TENM4: variants seen among roughly 807,000 people sequenced by gnomAD.
The protein encoded by TENM4 is teneurin transmembrane protein 4.
A neutral mutation model predicts 243.3 loss-of-function variants in TENM4; 82 were observed. The observed-to-expected ratio is 0.34, with a 90% CI of 0.28 to 0.40. The LOEUF (loss-of-function observed/expected upper bound fraction) is 0.40. Among genes scored for constraint, TENM4 ranks in the 10% least tolerant of loss-of-function variants. TENM4 has a pLI of 1.00. For missense variants in TENM4, 3,138 were observed against 3,673.3 expected (o/e 0.85, Z 3.77); for synonymous variants, 1,412 against 1,456.3 (o/e 0.97, Z 0.69).
chr11:79,327,463 A>C (rs1295516375), intron 1 of TENM4, among the ~76,000 whole-genome samples: 3 of 152,178 alleles, frequency 2.0e-5, no homozygotes, highest in Non-Finnish European at 2.9e-5. Context: ...TCTCTCTAAA[A>C]GACATCCATA....
Position 78,701,745 on chromosome 11 carries a change from T to A in TENM4, c.4868A>T (p.Asp1623Val). ...TGDGDITLIT[D>V]NNGNMVNVRR... ...GACATTTACCATGTTGCCATTGTTG[T>A]CTGTGATGAGTGTGATGTCGCCGTC... is the stretch of plus-strand genomic sequence containing the variant. Residue 1623 changes from aspartate to valine, a missense_variant, in exon 28 of 34, where the codon GAC becomes GTC. Asp to Val is a radical substitution (Grantham distance 152, BLOSUM62 -3). This residue lies in a region of TENM4 where 2,467 missense variants were observed against 3,059.1 expected (regional missense o/e 0.81). Coordinates refer to ENST00000278550, the MANE Select transcript of TENM4 (RefSeq NM_001098816.3). 6.2e-7 allele frequency: 1 copy of A among 1,614,022 alleles called. No homozygotes were observed. The highest frequency in any genetic ancestry group is 8.5e-7 in the Non-Finnish European group (1 of 1,179,890).
At chr11:79,291,094 G>A (rs977331264) in intron 2 of TENM4, among the ~76,000 whole-genome samples, 9 of 152,162 alleles carry the variant, frequency 5.9e-5, no homozygotes, top group African/African-American at 9.7e-5. Context: ...GGCTCTGGGT[G>A]GAGTGGTGAT....
chr11:79,238,854 G>A (rs996494777), intron 2 of TENM4, among the ~76,000 whole-genome samples: 2 of 150,830 alleles, frequency 1.3e-5, no homozygotes, highest in African/African-American at 2.4e-5. Context: ...GTGAAACCCC[G>A]TTTCTCCTAA....
intron 30 of TENM4, among the ~76,000 whole-genome samples, chr11:78,674,063 G>A (rs1192095497): frequency 2.0e-5 from 3 of 152,136 alleles, no homozygotes; most frequent in Non-Finnish European, 2.9e-5. Flanking sequence ...GGAAGGTCCC[G>A]CTGTGACTCC....
chr11:79,076,082 G>A (rs370770695), intron 4 of TENM4, among the ~76,000 whole-genome samples: 1 of 152,204 alleles, frequency 6.6e-6, no homozygotes, highest in Non-Finnish European at 1.5e-5. Flanking sequence ...TGTGGAGAAG[G>A]AGAGTAGGCC....
At chr11:79,108,354 A>T (rs1286954444) in intron 4 of TENM4, among the ~76,000 whole-genome samples, 4 of 152,230 alleles carry the variant, frequency 2.6e-5, no homozygotes, top group African/African-American at 9.6e-5. Context: ...TTCTACTTCA[A>T]GACTGCAGCA....
chr11:78,743,320 C>T (rs1855974336), intron 19 of TENM4, among the ~76,000 whole-genome samples: 1 of 152,154 alleles, frequency 6.6e-6, no homozygotes, highest in Non-Finnish European at 1.5e-5. Context: ...AGACAGGGAC[C>T]AACCACATGT....
intron 1 of TENM4, among the ~76,000 whole-genome samples, chr11:79,418,110 A>G (rs1858857106): frequency 6.8e-6 from 1 of 146,822 alleles, no homozygotes; most frequent in African/African-American, 2.5e-5. Flanking sequence ...TATGACAAAC[A>G]AGGATGCATA....
chr11:78,685,593 C>T (rs1281414538), intron 29 of TENM4, among the ~76,000 whole-genome samples: 2 of 152,094 alleles, frequency 1.3e-5, no homozygotes, highest in African/African-American at 4.8e-5. Context: ...TTGATGAATA[C>T]ATTTAAAAAC....
At chr11:79,213,387 TAGA>T (rs769314720) in intron 3 of TENM4, among the ~76,000 whole-genome samples, 4 of 152,110 alleles carry the variant, frequency 2.6e-5, no homozygotes, top group African/African-American at 9.7e-5. Context: ...TGTGTTCTAA[TAGA>T]AGAAGACAGA....
At chr11:78,791,873 A>G (rs1179277131) in intron 15 of TENM4, among the ~76,000 whole-genome samples, 1 of 152,176 alleles carries the variant, frequency 6.6e-6, no homozygotes, top group African/African-American at 2.4e-5. Context: ...CTTTCACATG[A>G]CCAACATCAG....
chr11:79,093,807 CA>C (rs1861015182), intron 4 of TENM4: 1 of 152,236 alleles, frequency 6.6e-6, no homozygotes, highest in South Asian at 2.1e-4. Context: ...CCATTGCTCT[CA>C]ACTCAATAAA....
At chr11:78,722,978 T>C (rs925011185) in intron 23 of TENM4, 61 bp from the exon 24 acceptor site, 5 of 1,591,762 alleles carry the variant, frequency 3.1e-6, no homozygotes, top group Admixed American at 1.7e-5. Context: ...TTTCCTGTGG[T>C]TGACCACAGA....
In TENM4 at chr11:79,070,222, C is replaced by T. The variant is rs140323968; in HGVS notation, c.-65-213G>A. 1.5e-3 allele frequency among the ~76,000 whole-genome samples: 227 copies of T among 152,252 alleles called. 2 individuals are homozygous for T. The East Asian group carries it at 0.016, about 11-fold the overall frequency. On this transcript the variant is annotated intron_variant, in intron 4 of 33. Transcript: ENST00000278550. ...AATCCTGGCCCTTTTTGCTACTTAG[C>T]CTATTCACCTTGAGGAGGCCTCCTC... is the stretch of plus-strand genomic sequence containing the variant.
At chr11:79,130,471 C>T (rs1861980168) in intron 4 of TENM4, among the ~76,000 whole-genome samples, 1 of 32,232 alleles carries the variant, frequency 3.1e-5, no homozygotes, top group Admixed American at 1.5e-4. Flanking sequence ...AAGCCCAATG[C>T]AAAGGAAAAA....
intron 3 of TENM4, among the ~76,000 whole-genome samples, chr11:79,164,250 A>AC (rs1361669351): frequency 1.8e-5 from 2 of 110,500 alleles, no homozygotes; most frequent in Admixed American, 9.3e-5. Context: ...TATATAGTAT[A>AC]TATAGTATAT....
intron 10 of TENM4, among the ~76,000 whole-genome samples, chr11:78,860,620 C>A (rs1465146781): frequency 6.6e-6 from 1 of 152,146 alleles, no homozygotes; most frequent in Admixed American, 6.5e-5. Flanking sequence ...GAAAAACATA[C>A]ACTGAGTAGA....
At chr11:78,834,095 A>G (rs1858042974) in intron 12 of TENM4, among the ~76,000 whole-genome samples, 1 of 152,030 alleles carries the variant, frequency 6.6e-6, no homozygotes, top group Non-Finnish European at 1.5e-5. Context: ...TGCTGAATTG[A>G]TCCTTTAGTT....
chr11:79,314,388 A>G (rs1289613526), intron 1 of TENM4, among the ~76,000 whole-genome samples: 2 of 152,196 alleles, frequency 1.3e-5, no homozygotes, highest in Non-Finnish European at 2.9e-5. Flanking sequence ...AGAAAAATGG[A>G]TGGTGGAGAT....
Sources: allele counts gnomAD v4.1 joint callset (sites outside exome capture counted in the v4.1 genomes callset), GRCh38; gene constraint gnomAD v4.1.1; regional missense constraint gnomAD v4.1.1; transcripts MANE v1.5; gene names NCBI Gene and HGNC (gene_info 2026-07-23, HGNC 2026-07-21).